The following PPP3CA variants were observed in gnomAD, a reference collection of about 807,000 sequenced individuals.
The protein encoded by PPP3CA is protein phosphatase 3 catalytic subunit alpha.
PPP3CA carries 14 observed loss-of-function variants against 66.5 expected under a neutral mutation model. The observed-to-expected ratio is 0.21, with a 90% confidence interval of 0.14 to 0.33. The LOEUF (loss-of-function observed/expected upper bound fraction) is 0.33. Ranked by LOEUF, PPP3CA falls within the 10% of genes least tolerant of loss-of-function variation. The pLI is 1.00. For synonymous variants in PPP3CA, 232 were observed against 226.2 expected, an observed-to-expected ratio of 1.03 and a Z score of -0.23; for missense variants, 317 against 639.5, an observed-to-expected ratio of 0.50 and a Z score of 5.44.
chr4:101,032,589 G>C (rs1727024710), intron 11 of PPP3CA, among the ~76,000 whole-genome samples: 1 of 151,960 alleles, frequency 6.6e-6, no homozygotes, highest in Non-Finnish European at 1.5e-5. Context: ...TATCCAATTA[G>C]GGAGGTTCTG....
chr4:101,079,813 C>A lies in PPP3CA; in HGVS notation c.955+719G>T, dbSNP rs141253432. Among the ~76,000 whole-genome samples, 9 of 152,312 alleles carry A rather than the reference C, an allele frequency of 5.9e-5. No individual in the cohort carries two copies. The East Asian group carries it at 1.5e-3, about 26-fold the overall frequency. On this transcript the variant is annotated intron_variant, in intron 8 of 13. Coordinates refer to ENST00000394854, the MANE Select transcript of PPP3CA (RefSeq NM_000944.5). ...TAATAATGCACCCCTTGCTCTTCTT[C>A]TTTTCCCTGTAGTAAGTAATAATGC... is the stretch of plus-strand genomic sequence containing the variant.
At chr4:101,156,957 C>T (rs1435658683) in intron 2 of PPP3CA, among the ~76,000 whole-genome samples, 1 of 152,218 alleles carries the variant, frequency 6.6e-6, no homozygotes, top group Non-Finnish European at 1.5e-5. Context: ...AGACAAACTA[C>T]AGACAAAATA....
At chr4:101,223,114 C>T (rs187605813) in intron 1 of PPP3CA, among the ~76,000 whole-genome samples, 2 of 151,820 alleles carry the variant, frequency 1.3e-5, no homozygotes, top group East Asian at 3.9e-4. Context: ...GCACTTCCCC[C>T]ATGAAGAAAT....
chr4:101,322,921 A>G (rs1010508063), intron 1 of PPP3CA, among the ~76,000 whole-genome samples: 3 of 152,224 alleles, frequency 2.0e-5, no homozygotes, highest in Non-Finnish European at 4.4e-5. Context: ...CTGTAGAATA[A>G]TATTTACTGT....
intron 1 of PPP3CA, among the ~76,000 whole-genome samples, chr4:101,246,470 C>T (rs749737634): frequency 5.9e-5 from 9 of 152,188 alleles, no homozygotes; most frequent in Non-Finnish European, 7.4e-5. Context: ...TCCAAAACCA[C>T]TGACATCTAT....
At chr4:101,228,988 C>T (rs1357161511) in intron 1 of PPP3CA, among the ~76,000 whole-genome samples, 1 of 151,606 alleles carries the variant, frequency 6.6e-6, no homozygotes, top group African/African-American at 2.4e-5. Context: ...AGCATGCAAA[C>T]TCCTGTCACT....
chr4:101,106,637 T>C (rs930578669), intron 3 of PPP3CA, among the ~76,000 whole-genome samples: 3 of 152,114 alleles, frequency 2.0e-5, no homozygotes, highest in African/African-American at 7.2e-5. Flanking sequence ...AAATCACCTA[T>C]GGCCATATCA....
chr4:101,183,396 C>A (rs1724303843), intron 2 of PPP3CA, among the ~76,000 whole-genome samples: 1 of 152,078 alleles, frequency 6.6e-6, no homozygotes, highest in African/African-American at 2.4e-5. Flanking sequence ...AGTGACTCAG[C>A]CATATATAGT....
chr4:101,092,856 T>C (rs1443929834), intron 6 of PPP3CA, among the ~76,000 whole-genome samples: 2 of 152,224 alleles, frequency 1.3e-5, no homozygotes, highest in Non-Finnish European at 2.9e-5. Context: ...CAGTCTATCA[T>C]TGATGAGCAT....
At chr4:101,180,274 T>TAGTATCATC (rs1379710626) in intron 2 of PPP3CA, among the ~76,000 whole-genome samples, 1 of 152,174 alleles carries the variant, frequency 6.6e-6, no homozygotes. Context: ...GGATAAATTG[T>TAGTATCATC]AGTATCATCC....
chr4:101,093,746 T>G (rs1411713206), intron 6 of PPP3CA, 30 bp downstream of exon 6: 2 of 1,565,038 alleles, frequency 1.3e-6, no homozygotes, highest in African/African-American at 2.7e-5. Flanking sequence ...GATGCAAACG[T>G]GTTCCAGAGA....
intron 1 of PPP3CA, among the ~76,000 whole-genome samples, chr4:101,291,554 G>C (rs1728028319): frequency 6.6e-6 from 1 of 152,118 alleles, no homozygotes; most frequent in Non-Finnish European, 1.5e-5. Flanking sequence ...ATTAATCCCT[G>C]CATTATTCAC....
intron 12 of PPP3CA, 117 bp from the exon 13 acceptor site, chr4:101,029,312 G>T: frequency 4.0e-6 from 2 of 498,970 alleles, no homozygotes; most frequent in Non-Finnish European, 6.8e-6. Flanking sequence ...TCCTGTAAGT[G>T]CTAGATTCTG....
chr4:101,277,023 T>C (rs892693538), intron 1 of PPP3CA, among the ~76,000 whole-genome samples: 3 of 150,606 alleles, frequency 2.0e-5, no homozygotes, highest in Non-Finnish European at 1.5e-5. Context: ...TATTTTCAGG[T>C]CCTAAAAGTC....
At chr4:101,345,562 T>C (rs545597023) in intron 1 of PPP3CA, among the ~76,000 whole-genome samples, 2 of 152,128 alleles carry the variant, frequency 1.3e-5, no homozygotes, top group Non-Finnish European at 2.9e-5. Context: ...TTGCTTGGTG[T>C]CCTGACCCCC....
chr4:101,075,668 A>G (rs931116878), intron 8 of PPP3CA, among the ~76,000 whole-genome samples: 1 of 152,200 alleles, frequency 6.6e-6, no homozygotes, highest in South Asian at 2.1e-4. Flanking sequence ...ATTTTTGGCC[A>G]AACTGAGTTG....
intron 2 of PPP3CA, among the ~76,000 whole-genome samples, chr4:101,166,175 C>A (rs1233598737): frequency 6.6e-6 from 1 of 152,126 alleles, no homozygotes; most frequent in Non-Finnish European, 1.5e-5. Flanking sequence ...TCCCACTACA[C>A]CCAATCAAAC....
At chr4:101,136,126 A>C (rs964313089) in intron 2 of PPP3CA, among the ~76,000 whole-genome samples, 17 of 152,196 alleles carry the variant, frequency 1.1e-4, no homozygotes, top group African/African-American at 3.9e-4. Flanking sequence ...TATCACTTAG[A>C]ATCTTTATCA....
chr4:101,346,697 G>A (rs760669094), intron 1 of PPP3CA, 42 bp downstream of exon 1: 3 of 1,573,828 alleles, frequency 1.9e-6, no homozygotes, highest in Non-Finnish European at 2.6e-6. Flanking sequence ...CCTGGCGCCT[G>A]CGGCACACGG....
Sources: allele counts gnomAD v4.1 joint callset (sites outside exome capture counted in the v4.1 genomes callset), GRCh38; gene constraint gnomAD v4.1.1; transcripts MANE v1.5; gene names NCBI Gene and HGNC (gene_info 2026-07-23, HGNC 2026-07-21).